Variants in SEPTIN7 observed in about 807,000 individuals in gnomAD.
SEPTIN7 encodes septin-7.
In SEPTIN7, 10 loss-of-function variants were observed where a neutral mutation model predicts 63.3. The observed-to-expected ratio is 0.16, with a 90% CI of 0.10 to 0.27. The LOEUF (loss-of-function observed/expected upper bound fraction) is 0.27, where lower values mean the gene tolerates loss of function less well. Ranked by LOEUF, SEPTIN7 falls within the 10% of genes least tolerant of loss-of-function variation. The pLI, the probability that SEPTIN7 is intolerant of heterozygous loss-of-function variation, is 1.00. For missense variants in SEPTIN7, 310 were observed against 521.0 expected, an observed-to-expected ratio of 0.59 and a Z score of 3.94; for synonymous variants, 131 against 165.3, an observed-to-expected ratio of 0.79 and a Z score of 1.59.
downstream of SEPTIN7, among the ~76,000 whole-genome samples, chr7:35,910,159 C>T (rs1788715812): frequency 1.3e-5 from 2 of 152,184 alleles, no homozygotes; most frequent in South Asian, 4.1e-4. Context: ...AGCCACATGG[C>T]TTTTATGACC....
chr7:35,808,887 C>T (rs1583483034), intron 1 of SEPTIN7, among the ~76,000 whole-genome samples: 1 of 152,302 alleles, frequency 6.6e-6, no homozygotes. Context: ...CCAACTTTGA[C>T]ATGGTGAGTC....
intron 1 of SEPTIN7, among the ~76,000 whole-genome samples, chr7:35,815,410 A>G (rs181452662): frequency 6.6e-6 from 1 of 152,350 alleles, no homozygotes; most frequent in East Asian, 1.9e-4. Context: ...TATACTAAAA[A>G]CCATGAATTT....
downstream of SEPTIN7, among the ~76,000 whole-genome samples, chr7:35,908,735 T>C (rs911179817): frequency 4.6e-5 from 7 of 152,174 alleles, no homozygotes; most frequent in Admixed American, 4.6e-4. Flanking sequence ...CTCCCTTTTG[T>C]CCAAGTGTGT....
intron 3 of SEPTIN7, 80 bp downstream of exon 3, chr7:35,832,980 C>T (rs1388335428): frequency 3.7e-6 from 3 of 810,412 alleles, no homozygotes; most frequent in African/African-American, 3.4e-5. Context: ...TTTAAGAAAA[C>T]ACTGGCACAG....
intron 3 of SEPTIN7, among the ~76,000 whole-genome samples, chr7:35,861,200 G>A (rs1368399178): frequency 6.6e-6 from 1 of 151,900 alleles, no homozygotes; most frequent in Non-Finnish European, 1.5e-5. Flanking sequence ...TTATTTTCCT[G>A]ATTTCCCTTC....
chr7:35,866,041 A>C (rs1435578876), intron 4 of SEPTIN7, among the ~76,000 whole-genome samples: 2 of 152,226 alleles, frequency 1.3e-5, no homozygotes, highest in Non-Finnish European at 2.9e-5. Flanking sequence ...TTAAGACAGA[A>C]GCCTGTGCAC....
intron 11 of SEPTIN7, among the ~76,000 whole-genome samples, chr7:35,891,364 C>T (rs551073643): frequency 9.2e-5 from 14 of 151,942 alleles, no homozygotes; most frequent in African/African-American, 3.2e-4. Context: ...ATTTTGTAAA[C>T]ATCATAGAGT....
intron 11 of SEPTIN7, among the ~76,000 whole-genome samples, chr7:35,896,021 C>T (rs952036400): frequency 1.3e-5 from 2 of 152,100 alleles, no homozygotes; most frequent in African/African-American, 2.4e-5. Context: ...ATGTTGGCCA[C>T]GCTGGTTTCA....
intron 6 of SEPTIN7, among the ~76,000 whole-genome samples, chr7:35,875,960 A>G (rs1786452338): frequency 6.6e-6 from 1 of 152,206 alleles, no homozygotes; most frequent in Admixed American, 6.5e-5. Flanking sequence ...AAGACCAGCC[A>G]ATATAAAACT....
chr7:35,894,040 T>A (rs1366333956), intron 11 of SEPTIN7, among the ~76,000 whole-genome samples: 1 of 152,062 alleles, frequency 6.6e-6, no homozygotes, highest in Non-Finnish European at 1.5e-5. Flanking sequence ...AGCAAGGGTT[T>A]GTAAAGGAAA....
At chr7:35,817,956 A>G (rs1387305342) in intron 1 of SEPTIN7, among the ~76,000 whole-genome samples, 1 of 151,778 alleles carries the variant, frequency 6.6e-6, no homozygotes, top group Non-Finnish European at 1.5e-5. Flanking sequence ...AATACTACTT[A>G]CATTACTTTA....
At chr7:35,856,695 C>T (rs1050423709) in intron 3 of SEPTIN7, among the ~76,000 whole-genome samples, 3 of 152,142 alleles carry the variant, frequency 2.0e-5, no homozygotes, top group African/African-American at 7.2e-5. Flanking sequence ...GGATCATTTC[C>T]CCTGTGGCAT....
intron 3 of SEPTIN7, among the ~76,000 whole-genome samples, chr7:35,837,648 C>T (rs1784144487): frequency 6.6e-6 from 1 of 152,178 alleles, no homozygotes; most frequent in Non-Finnish European, 1.5e-5. Context: ...ACTGTTTTTC[C>T]TGAATACTGC....
chr7:35,838,282 T>C (rs867877714), intron 3 of SEPTIN7, among the ~76,000 whole-genome samples: 23 of 15,122 alleles, frequency 1.5e-3, no homozygotes, highest in African/African-American at 4.4e-3. Flanking sequence ...CCTTCCTTCC[T>C]TCCTTCCTTC....
intron 3 of SEPTIN7, among the ~76,000 whole-genome samples, chr7:35,860,505 C>A (rs1785448304): frequency 1.3e-5 from 2 of 152,086 alleles, no homozygotes; most frequent in South Asian, 4.1e-4. Flanking sequence ...TGAAGGACTA[C>A]CTTCAGTATT....
chr7:35,816,205 A>AAACTTTGC (rs1346978082), intron 1 of SEPTIN7, among the ~76,000 whole-genome samples: 8 of 152,182 alleles, frequency 5.3e-5, no homozygotes, highest in African/African-American at 1.7e-4. Context: ...GCCCCAAATG[A>AAACTTTGC]AACTTTGCAG....
intron 1 of SEPTIN7, among the ~76,000 whole-genome samples, chr7:35,829,300 C>T (rs538247423): frequency 7.9e-5 from 12 of 151,844 alleles, no homozygotes; most frequent in Admixed American, 2.6e-4. Flanking sequence ...TTGTCAGTCC[C>T]GGCTAATTTT....
At chr7:35,915,756 A>G in the SEPTIN7 span, among the ~76,000 whole-genome samples, 12 of 152,222 alleles carry the variant, frequency 7.9e-5, no homozygotes, top group Non-Finnish European at 2.9e-5. Context: ...TGACATAGAA[A>G]GATGAGATGT....
chr7:35,802,641 C>T (rs766708931), intron 1 of SEPTIN7, among the ~76,000 whole-genome samples: 1 of 152,128 alleles, frequency 6.6e-6, no homozygotes, highest in African/African-American at 2.4e-5. Context: ...TATGTGCAGA[C>T]ATGGGGAGGA....
Sources: allele counts gnomAD v4.1 joint callset (sites outside exome capture counted in the v4.1 genomes callset), GRCh38; gene constraint gnomAD v4.1.1; transcripts MANE v1.5; gene names NCBI Gene and HGNC (gene_info 2026-07-23, HGNC 2026-07-21).